The following YAF2 variants were observed in gnomAD, a reference collection of about 807,000 sequenced individuals.
YAF2 encodes the protein YY1-associated factor 2.
YAF2 carries 7 observed loss-of-function variants against 20.1 expected under a neutral mutation model. That is an observed-to-expected ratio of 0.35 (90% CI 0.20 to 0.65). The LOEUF (loss-of-function observed/expected upper bound fraction) is 0.65, where lower values mean the gene tolerates loss of function less well. YAF2 is among the 30% of genes least tolerant of loss of function. The probability of loss-of-function intolerance (pLI) is 0.69; values close to 1 mark genes in which losing one functional copy is unlikely to be tolerated. For missense variants in YAF2, 151 were observed against 219.2 expected (o/e 0.69, Z 1.96); for synonymous variants, 74 against 76.0 (o/e 0.97, Z 0.14).
At chr12:42,206,534 AG>A (rs969509523) in intron 2 of YAF2, among the ~76,000 whole-genome samples, 5 of 151,772 alleles carry the variant, frequency 3.3e-5, no homozygotes, top group Non-Finnish European at 5.9e-5. Flanking sequence ...GCTTGAACCC[AG>A]GGGGTGGAGG....
At chr12:42,181,669 T>G (rs2066345376) in intron 2 of YAF2, among the ~76,000 whole-genome samples, 1 of 152,200 alleles carries the variant, frequency 6.6e-6, no homozygotes, top group Admixed American at 6.5e-5. Context: ...CTCATAAAAA[T>G]TGTTTTAACT....
At chr12:42,195,912 G>A (rs914639318) in intron 2 of YAF2, among the ~76,000 whole-genome samples, 10 of 152,092 alleles carry the variant, frequency 6.6e-5, no homozygotes, top group South Asian at 2.1e-4. Context: ...CAGGAGTTGC[G>A]GGGGCAGAGA....
chr12:42,171,049 G>A (rs372097165), intron 2 of YAF2, among the ~76,000 whole-genome samples: 2 of 152,064 alleles, frequency 1.3e-5, no homozygotes, highest in African/African-American at 2.4e-5. Flanking sequence ...CTGGAGTGCA[G>A]TGGCGTGATC....
At chr12:42,192,637 A>T (rs2137109668) in intron 2 of YAF2, among the ~76,000 whole-genome samples, 1 of 152,366 alleles carries the variant, frequency 6.6e-6, no homozygotes, top group East Asian at 1.9e-4. Flanking sequence ...GGAATTGGAG[A>T]GACTAAGTAG....
Position 42,237,624 on chromosome 12 carries a change from C to G in YAF2, c.127G>C (p.Asp43His), listed in dbSNP as rs1354886669. 2.6e-6 allele frequency: 4 copies of G among 1,553,738 alleles called. No homozygotes were observed. The highest frequency in any genetic ancestry group is 3.5e-6 in the Non-Finnish European group (4 of 1,150,432). ...SAEAFKCMMC[D>H]VRKGTSTRKP... ...CGGGTGGAGGTGCCCTTCCGCACAT[C>G]GCACATCATGCACTTGAAGGCCTCG... is the stretch of plus-strand genomic sequence containing the variant. The change falls in exon 2 of 4, where the codon GAT becomes CAT. Residue 43 changes from aspartate to histidine, a missense_variant. Transcript: ENST00000534854.
At chr12:42,238,080 A>C in intron 1 of YAF2, 75 bp downstream of exon 1, 1 of 1,247,524 alleles carries the variant, frequency 8.0e-7, no homozygotes, top group South Asian at 2.2e-5. Flanking sequence ...GCGGCTAGCG[A>C]GGCGGCCACC....
At chr12:42,226,363 T>C (rs2067696175) in intron 2 of YAF2, among the ~76,000 whole-genome samples, 1 of 152,224 alleles carries the variant, frequency 6.6e-6, no homozygotes, top group Non-Finnish European at 1.5e-5. Flanking sequence ...AATATCATCC[T>C]TGAAATAATG....
chr12:42,162,712 A>G (rs2136951985), intron 2 of YAF2, among the ~76,000 whole-genome samples: 1 of 152,306 alleles, frequency 6.6e-6, no homozygotes, highest in South Asian at 2.1e-4. Flanking sequence ...GCAAGACAAC[A>G]TAAAAAATAA....
chr12:42,170,649 A>AAAAC (rs774764843), intron 2 of YAF2, among the ~76,000 whole-genome samples: 4 of 152,020 alleles, frequency 2.6e-5, no homozygotes, highest in South Asian at 2.1e-4. Context: ...GTCTCTACTA[A>AAAAC]AAACAAACAA....
At chr12:42,175,499 T>C (rs1405495390) in intron 2 of YAF2, among the ~76,000 whole-genome samples, 1 of 150,566 alleles carries the variant, frequency 6.6e-6, no homozygotes, top group Non-Finnish European at 1.5e-5. Context: ...ATATTGCATG[T>C]TTTATGTGTG....
rs920644576 is a variant in YAF2, at chr12:42,159,163, A to G, written c.*1426T>C. 1 of 152,180 alleles carries G rather than the reference A, an allele frequency of 6.6e-6. No individual in the cohort carries two copies. Among genetic ancestry groups the G allele is most frequent in the Admixed American group, 6.5e-5 (1 of 15,268 alleles). 9.4% of individuals were successfully genotyped at this position (152,180 alleles called of 1,614,324 possible). Reference sequence around the variant, plus strand: ...GTACTGTAATTAAACAGAAAATTACATTACCACATGAAACCACCAAATATC... The same window carrying G: ...GTACTGTAATTAAACAGAAAATTACGTTACCACATGAAACCACCAAATATC... On this transcript the variant is annotated 3_prime_UTR_variant, in exon 4 of 4. Transcript: ENST00000534854.
At chr12:42,201,026 C>G (rs961658400) in intron 2 of YAF2, among the ~76,000 whole-genome samples, 2 of 152,160 alleles carry the variant, frequency 1.3e-5, no homozygotes, top group Non-Finnish European at 2.9e-5. Flanking sequence ...AACCTAGACA[C>G]AGAAAGTACA....
intron 2 of YAF2, among the ~76,000 whole-genome samples, chr12:42,220,138 G>A (rs2067472966): frequency 6.6e-6 from 1 of 152,064 alleles, no homozygotes; most frequent in Admixed American, 6.6e-5. Flanking sequence ...TCCAATGAGA[G>A]ATACTTCAAG....
At chr12:42,192,473 C>T (rs1484307581) in intron 2 of YAF2, among the ~76,000 whole-genome samples, 2 of 152,098 alleles carry the variant, frequency 1.3e-5, no homozygotes, top group Non-Finnish European at 2.9e-5. Context: ...CGTGCCACTG[C>T]ACTCTAGCCT....
chr12:42,220,844 C>T lies in YAF2; in HGVS notation c.152+16755G>A, dbSNP rs117493617. 7.0e-3 allele frequency among the ~76,000 whole-genome samples: 1,065 copies of T among 152,282 alleles called. 40 individuals carry two copies. In the East Asian group the frequency reaches 0.085, roughly 12 times the overall value. ...ATACACACACATCCAGTCATTCACA[C>T]ATTCACATATTATCAAAGTGATTAT... On this transcript the variant is annotated intron_variant, in intron 2 of 3. Coordinates refer to ENST00000534854, the MANE Select transcript of YAF2 (RefSeq NM_005748.6).
chr12:42,188,730 G>A (rs114351094), intron 2 of YAF2, among the ~76,000 whole-genome samples: 1,594 of 151,502 alleles, frequency 0.011, 27 homozygotes, highest in African/African-American at 0.037. Flanking sequence ...GTATTCACAT[G>A]TACAATTTTA....
chr12:42,211,742 C>CAAA (rs1173533325), intron 2 of YAF2, among the ~76,000 whole-genome samples: 3 of 42,386 alleles, frequency 7.1e-5, no homozygotes, highest in Middle Eastern at 0.016. Context: ...AGACTCTGTC[C>CAAA]AAAAAAAAAA....
At chr12:42,164,656 C>T (rs1303947247) in intron 2 of YAF2, among the ~76,000 whole-genome samples, 1 of 151,490 alleles carries the variant, frequency 6.6e-6, no homozygotes. Context: ...TAAATTGAAG[C>T]GATATGGTAA....
chr12:42,203,353 C>T (rs748335731), intron 2 of YAF2, among the ~76,000 whole-genome samples: 1 of 152,222 alleles, frequency 6.6e-6, no homozygotes, highest in East Asian at 1.9e-4. Flanking sequence ...ACAAACAGTA[C>T]TTTCATTTCT....
Sources: allele counts gnomAD v4.1 joint callset (sites outside exome capture counted in the v4.1 genomes callset), GRCh38; gene constraint gnomAD v4.1.1; transcripts MANE v1.5; gene names NCBI Gene and HGNC (gene_info 2026-07-23, HGNC 2026-07-21).